Variants in CTDSPL observed in about 807,000 individuals in gnomAD.
The protein encoded by CTDSPL is CTD small phosphatase-like protein.
In CTDSPL, 8 loss-of-function variants were observed where a neutral mutation model predicts 30.5. The ratio of observed to expected loss-of-function variants is 0.26; its 90% CI spans 0.15 to 0.47. The LOEUF (loss-of-function observed/expected upper bound fraction) is 0.47. Among genes scored for constraint, CTDSPL ranks in the 20% least tolerant of loss-of-function variants. CTDSPL has a pLI of 0.99. For synonymous variants in CTDSPL, 110 were observed against 137.9 expected (o/e 0.80, Z 1.42); for missense variants, 248 against 366.1 (o/e 0.68, Z 2.63).
chr3:37,922,023 G>T (rs1020116458), intron 1 of CTDSPL, among the ~76,000 whole-genome samples: 7 of 152,150 alleles, frequency 4.6e-5, no homozygotes, highest in African/African-American at 1.7e-4. Context: ...CACGAGGTCA[G>T]GAGTTCGAGA....
At chr3:37,882,279 A>G (rs1698214558) in intron 1 of CTDSPL, among the ~76,000 whole-genome samples, 1 of 152,056 alleles carries the variant, frequency 6.6e-6, no homozygotes, top group African/African-American at 2.4e-5. Context: ...CGTCTCTACT[A>G]AAAATACAAA....
intron 1 of CTDSPL, among the ~76,000 whole-genome samples, chr3:37,882,238 C>G (rs1012497545): frequency 1.3e-5 from 2 of 151,828 alleles, no homozygotes; most frequent in African/African-American, 4.8e-5. Flanking sequence ...GTTAGGAGAT[C>G]GAGACCATCC....
chr3:37,876,833 A>C (rs910426324), intron 1 of CTDSPL, among the ~76,000 whole-genome samples: 2 of 151,770 alleles, frequency 1.3e-5, no homozygotes, highest in Non-Finnish European at 2.9e-5. Context: ...CATTAAATTT[A>C]GCAGTGGCTC....
chr3:37,880,423 A>G (rs1197024225), intron 1 of CTDSPL, among the ~76,000 whole-genome samples: 1 of 152,186 alleles, frequency 6.6e-6, no homozygotes, highest in Non-Finnish European at 1.5e-5. Context: ...TATTTTTCCA[A>G]AAGATGCCAC....
chr3:37,901,255 ACC>A (rs1698447873), intron 1 of CTDSPL, among the ~76,000 whole-genome samples: 1 of 152,084 alleles, frequency 6.6e-6, no homozygotes, highest in African/African-American at 2.4e-5. Context: ...CTCCAAAGGG[ACC>A]TGGGTCCAGG....
intron 1 of CTDSPL, among the ~76,000 whole-genome samples, chr3:37,946,415 C>G (rs1299273795): frequency 6.6e-6 from 1 of 152,188 alleles, no homozygotes; most frequent in Non-Finnish European, 1.5e-5. Flanking sequence ...CCAACATCTC[C>G]TGCTGTTTAT....
intron 4 of CTDSPL, among the ~76,000 whole-genome samples, chr3:37,967,518 ACT>A (rs1181346849): frequency 1.3e-4 from 20 of 152,258 alleles, no homozygotes; most frequent in African/African-American, 4.6e-4. Flanking sequence ...CCCCAGCAAG[ACT>A]CTGGGCAAGA....
intron 1 of CTDSPL, among the ~76,000 whole-genome samples, chr3:37,917,963 C>T (rs1048578202): frequency 6.6e-6 from 1 of 151,922 alleles, no homozygotes; most frequent in African/African-American, 2.4e-5. Context: ...TTCCAAGTTT[C>T]GTAGAACTAT....
chr3:37,960,207 G>A (rs4353762), intron 3 of CTDSPL, among the ~76,000 whole-genome samples: 13,164 of 151,716 alleles, frequency 0.087, 633 homozygotes, highest in South Asian at 0.14. Flanking sequence ...TAGGCTGGGC[G>A]TGGTAGCTCA....
At chr3:37,900,757 CAT>C (rs1401210607) in intron 1 of CTDSPL, among the ~76,000 whole-genome samples, 1 of 152,092 alleles carries the variant, frequency 6.6e-6, no homozygotes, top group East Asian at 1.9e-4. Context: ...AGAATTTTTA[CAT>C]GTCATTAAAA....
At chr3:37,939,075 A>G (rs922503664) in intron 1 of CTDSPL, among the ~76,000 whole-genome samples, 1 of 150,288 alleles carries the variant, frequency 6.7e-6, no homozygotes, top group Admixed American at 6.7e-5. Flanking sequence ...CAAAAACAAA[A>G]TGGATCTGCC....
Position 37,981,930 on chromosome 3 carries a change from G to A in CTDSPL, c.*1063G>A, listed in dbSNP as rs757586131. On this transcript the variant is annotated 3_prime_UTR_variant, in exon 8 of 8. Coordinates refer to ENST00000273179, the MANE Select transcript of CTDSPL (RefSeq NM_001008392.2). ...CACTGTTCTTTGCCACTGTGCCTAT[G>A]CTCAGAATATGCTCACTGCTAAGCT... is the stretch of plus-strand genomic sequence containing the variant. 2 of 456,804 alleles carry A rather than the reference G, an allele frequency of 4.4e-6. No homozygotes were observed. Among genetic ancestry groups the A allele is most frequent in the South Asian group, 3.1e-5 (2 of 64,534 alleles). The allele number at this position is 456,804 out of a possible 1,614,324, so 28.3% of individuals were successfully genotyped here.
chr3:37,964,448 T>C, intron 3 of CTDSPL, 123 bp from the exon 4 acceptor site: 1 of 605,536 alleles, frequency 1.7e-6, no homozygotes, highest in Non-Finnish European at 2.9e-6. Context: ...TTATTCCTAT[T>C]GTTCTTAATA....
intron 1 of CTDSPL, among the ~76,000 whole-genome samples, chr3:37,933,067 C>A (rs11129774): frequency 5.3e-5 from 8 of 150,828 alleles, no homozygotes; most frequent in Non-Finnish European, 8.8e-5. Context: ...GCAGGAGAAT[C>A]GCTTGAACCT....
chr3:37,879,126 G>T (rs1348211981), intron 1 of CTDSPL, among the ~76,000 whole-genome samples: 2 of 152,166 alleles, frequency 1.3e-5, no homozygotes, highest in Admixed American at 1.3e-4. Context: ...AGTGGCTTGA[G>T]TTCTATCACC....
Position 37,981,521 on chromosome 3 carries a change from C to A in CTDSPL, c.*654C>A, listed in dbSNP as rs1699492929. 1 of 247,258 alleles carries A rather than the reference C, an allele frequency of 4.0e-6. No individual in the cohort carries two copies. The highest frequency in any genetic ancestry group is 2.3e-5 in the African/African-American group (1 of 43,188). 15.3% of individuals were successfully genotyped at this position (247,258 alleles called of 1,614,324 possible). On this transcript the variant is annotated 3_prime_UTR_variant, in exon 8 of 8. Transcript: ENST00000273179. The stretch of plus-strand genomic sequence containing the variant: ...GGTCAGGCTCCTGATAGGAGGATTT[C>A]ATGACTATGTCATTGTCTCCACTCA...
At chr3:37,979,601 G>A (rs899670883) in intron 7 of CTDSPL, among the ~76,000 whole-genome samples, 3 of 151,578 alleles carry the variant, frequency 2.0e-5, no homozygotes, top group African/African-American at 7.3e-5. Flanking sequence ...CTCAAAAAAA[G>A]AAAAGAAAAA....
intron 1 of CTDSPL, among the ~76,000 whole-genome samples, chr3:37,900,573 A>T (rs1301866110): frequency 6.6e-6 from 1 of 152,210 alleles, no homozygotes; most frequent in African/African-American, 2.4e-5. Flanking sequence ...CTTATGAAAT[A>T]TAGAAAACGA....
chr3:37,873,192 C>A (rs1258661062), intron 1 of CTDSPL, among the ~76,000 whole-genome samples: 2 of 152,276 alleles, frequency 1.3e-5, no homozygotes, highest in Non-Finnish European at 2.9e-5. Flanking sequence ...CCTCATTACA[C>A]CCTATGAGGG....
Sources: gnomAD v4.1 joint callset for allele counts (sites outside exome capture counted in the v4.1 genomes callset) on GRCh38, gnomAD v4.1.1 for gene constraint, MANE v1.5 for transcripts, NCBI Gene and HGNC (gene_info 2026-07-23, HGNC 2026-07-21) for gene names.